FBXW7: variants seen among roughly 807,000 people sequenced by gnomAD.
The protein encoded by FBXW7 is F-box/WD repeat-containing protein 7.
Under a neutral mutation model 86.3 loss-of-function variants are expected in FBXW7, and 11 were observed. That is an observed-to-expected ratio of 0.13 (90% CI 0.08 to 0.21). The LOEUF (loss-of-function observed/expected upper bound fraction) is 0.21. FBXW7 is among the 10% of genes least tolerant of loss of function. The probability of loss-of-function intolerance (pLI) is 1.00; values close to 1 mark genes in which losing one functional copy is unlikely to be tolerated. For missense variants in FBXW7, 488 were observed against 847.4 expected, an observed-to-expected ratio of 0.58 and a Z score of 5.27; for synonymous variants, 313 against 297.9, an observed-to-expected ratio of 1.05 and a Z score of -0.52.
chr4:152,425,847 T>G lies in FBXW7; in HGVS notation c.-119-13318A>C, dbSNP rs534591033. Among the ~76,000 whole-genome samples, 9 of 152,198 alleles carry G rather than the reference T, an allele frequency of 5.9e-5. No homozygotes were observed. The East Asian group carries it at 1.7e-3, about 29-fold the overall frequency. On this transcript the variant is annotated intron_variant, in intron 2 of 13. Transcript: ENST00000281708. ...AGTTCTCTAATAGGAAACCCCCACA[T>G]AAAGCGGGGAGCTCTACAAGGTGAA...
chr4:152,407,536 T>C (rs1313677370), intron 4 of FBXW7, among the ~76,000 whole-genome samples: 2 of 152,208 alleles, frequency 1.3e-5, no homozygotes, highest in Non-Finnish European at 2.9e-5. Context: ...ATATTTCCAA[T>C]GTTAGCCACA....
chr4:152,509,895 A>G (rs1439375184), intron 2 of FBXW7, among the ~76,000 whole-genome samples: 2 of 152,234 alleles, frequency 1.3e-5, no homozygotes, highest in East Asian at 3.8e-4. Context: ...TGAGAGGCCC[A>G]TATCTGCAGA....
intron 4 of FBXW7, among the ~76,000 whole-genome samples, chr4:152,368,829 A>G (rs1733728672): frequency 6.6e-6 from 1 of 152,136 alleles, no homozygotes; most frequent in Admixed American, 6.6e-5. Flanking sequence ...TATTCTGAAC[A>G]TCTGAGAATC....
At chr4:152,470,303 C>T (rs1337615065) in intron 2 of FBXW7, among the ~76,000 whole-genome samples, 1 of 151,824 alleles carries the variant, frequency 6.6e-6, no homozygotes, top group East Asian at 1.9e-4. Flanking sequence ...AGATCAAGAC[C>T]ACGGCATGCT....
At chr4:152,508,830 G>GA (rs1435627299) in intron 2 of FBXW7, among the ~76,000 whole-genome samples, 1 of 151,022 alleles carries the variant, frequency 6.6e-6, no homozygotes, top group Non-Finnish European at 1.5e-5. Context: ...AATCACAAAG[G>GA]AAAAAAAGCA....
chr4:152,346,769 G>T, intron 6 of FBXW7, 161 bp downstream of exon 6: 1 of 867,934 alleles, frequency 1.2e-6, no homozygotes, highest in Middle Eastern at 2.8e-4. Flanking sequence ...GAATCAACAT[G>T]TGGCCTTTTG....
chr4:152,391,574 T>C lies in FBXW7; in HGVS notation c.501+19729A>G, dbSNP rs79339137. 5.3e-4 allele frequency among the ~76,000 whole-genome samples: 80 copies of C among 152,226 alleles called. 2 individuals carry two copies. In the East Asian group the frequency reaches 0.015, roughly 28 times the overall value. ...AGATCAGTAAGAGATATAAAGGAAG[T>C]CTGCAGCTATAGGGCTTAGAAAATA... is the stretch of plus-strand genomic sequence containing the variant. On this transcript the variant is annotated intron_variant, in intron 4 of 13. Coordinates refer to ENST00000281708, the MANE Select transcript of FBXW7 (RefSeq NM_001349798.2).
In FBXW7 at chr4:152,411,512, GTTC is replaced by G. The variant is rs781017774; in HGVS notation, c.289_291del (p.Glu97del). The G allele has an allele frequency of 3.7e-6, 6 of 1,613,716 alleles. No homozygotes were observed. The East Asian group carries it at 1.3e-4, about 36-fold the overall frequency. On this transcript the variant is annotated inframe_deletion, in exon 4 of 14. Transcript: ENST00000281708. ...CCAGCATGTTCTTCATCTTCCTCTT[GTTC>G]TTCTTGGTTTCCTGAGGAGTCCTCA...
At chr4:152,531,398 G>T (rs1351856397) in intron 2 of FBXW7, among the ~76,000 whole-genome samples, 2 of 152,116 alleles carry the variant, frequency 1.3e-5, no homozygotes, top group Admixed American at 1.3e-4. Context: ...TAAGAAGTCA[G>T]AGAAGCTACT....
chr4:152,520,547 A>G (rs1748921066), intron 2 of FBXW7, among the ~76,000 whole-genome samples: 1 of 152,112 alleles, frequency 6.6e-6, no homozygotes, highest in Non-Finnish European at 1.5e-5. Flanking sequence ...CAATAGCCTC[A>G]ATCATTACCC....
At chr4:152,521,809 A>ATTTTTT (rs575881137) in intron 2 of FBXW7, among the ~76,000 whole-genome samples, 5 of 100,692 alleles carry the variant, frequency 5.0e-5, no homozygotes, top group Non-Finnish European at 9.3e-5. Context: ...TAAGGGTCCA[A>ATTTTTT]TTTTTTTTTT....
chr4:152,435,631 T>C (rs1315886841), intron 2 of FBXW7, among the ~76,000 whole-genome samples: 1 of 152,264 alleles, frequency 6.6e-6, no homozygotes. Context: ...AATTCAATGA[T>C]ACTTGTCAGT....
At chr4:152,436,547 C>T (rs1740402956) in intron 2 of FBXW7, among the ~76,000 whole-genome samples, 1 of 152,216 alleles carries the variant, frequency 6.6e-6, no homozygotes, top group African/African-American at 2.4e-5. Flanking sequence ...CACTAAACAA[C>T]AGATTTTCAC....
chr4:152,428,264 A>C (rs1263960971), intron 2 of FBXW7, among the ~76,000 whole-genome samples: 5 of 152,150 alleles, frequency 3.3e-5, no homozygotes, highest in Admixed American at 3.3e-4. Context: ...TTCACTTGTG[A>C]GGCAAACAGA....
intron 2 of FBXW7, among the ~76,000 whole-genome samples, chr4:152,437,964 C>G (rs535105247): frequency 6.6e-6 from 1 of 152,190 alleles, no homozygotes; most frequent in Non-Finnish European, 1.5e-5. Context: ...CACTTGAGGT[C>G]AGGAGTTCAA....
intron 2 of FBXW7, among the ~76,000 whole-genome samples, chr4:152,513,298 C>T (rs1031974655): frequency 1.3e-5 from 2 of 152,046 alleles, no homozygotes; most frequent in African/African-American, 4.8e-5. Context: ...AAAGAGATCG[C>T]AGATAGTTAA....
chr4:152,332,947 C>G (rs1729699823), intron 7 of FBXW7, among the ~76,000 whole-genome samples: 1 of 152,018 alleles, frequency 6.6e-6, no homozygotes, highest in South Asian at 2.1e-4. Flanking sequence ...TCTTTACCCT[C>G]TTCAAGGACT....
intron 4 of FBXW7, among the ~76,000 whole-genome samples, chr4:152,376,212 G>A (rs1334343228): frequency 2.6e-5 from 4 of 151,986 alleles, no homozygotes; most frequent in South Asian, 4.1e-4. Context: ...ATATTGGAGG[G>A]AAATAAAAAT....
At chr4:152,510,305 T>C (rs769581685) in intron 2 of FBXW7, among the ~76,000 whole-genome samples, 1 of 152,192 alleles carries the variant, frequency 6.6e-6, no homozygotes, top group African/African-American at 2.4e-5. Context: ...CTACTAAATT[T>C]TGGAAGAACA....
Sources: gnomAD v4.1 joint callset for allele counts (sites outside exome capture counted in the v4.1 genomes callset) on GRCh38, gnomAD v4.1.1 for gene constraint, MANE v1.5 for transcripts, NCBI Gene and HGNC (gene_info 2026-07-23, HGNC 2026-07-21) for gene names.